The following THOP1 variants were observed in gnomAD, a reference collection of about 807,000 sequenced individuals.
THOP1 encodes the protein thimet oligopeptidase 1, also known as thimet oligopeptidase.
A neutral mutation model predicts 71.8 loss-of-function variants in THOP1; 49 were observed. That is an observed-to-expected ratio of 0.68 (90% CI 0.54 to 0.87). The LOEUF (loss-of-function observed/expected upper bound fraction) is 0.87. THOP1 is among the 40% of genes least tolerant of loss of function. The probability of loss-of-function intolerance (pLI) is 0.00; values close to 1 mark genes in which losing one functional copy is unlikely to be tolerated. For missense variants in THOP1, 843 were observed against 975.6 expected, an observed-to-expected ratio of 0.86 and a Z score of 1.81; for synonymous variants, 426 against 421.5, an observed-to-expected ratio of 1.01 and a Z score of -0.13.
chr19:2,810,809 C>G (rs753879298), intron 11 of THOP1, 41 bp downstream of exon 11: 21 of 1,581,026 alleles, frequency 1.3e-5, no homozygotes, highest in South Asian at 3.4e-5. Context: ...AATTTGGAGC[C>G]TCAGCTGCTT....
At position 2,804,905 on chromosome 19, in the gene THOP1, C is replaced by A. The variant is rs1599528566; in HGVS notation, c.590-111C>A. 7 of 1,116,668 alleles carry A rather than the reference C, an allele frequency of 6.3e-6. No homozygotes were observed. Among genetic ancestry groups the A allele is most frequent in the Admixed American group, 2.9e-5 (1 of 34,362 alleles). 69.2% of individuals were successfully genotyped at this position (1,116,668 alleles called of 1,614,324 possible). The stretch of plus-strand genomic sequence containing the variant: ...CCAGGCTGCAGCTGCTCGCTGAGGG[C>A]CCCCTTGTAGCTTTCCAGGCAGAGG... On this transcript the variant is annotated intron_variant, in intron 5 of 12. Transcript: ENST00000307741. The surrounding 1 kb of genome is among the most constrained non-coding windows in gnomAD (Gnocchi z 4.7).
At position 2,807,536 on chromosome 19, in the gene THOP1, C is replaced by G; in HGVS notation, c.981C>G (p.Pro327=). Residue 327 remains proline (P), a synonymous_variant, in exon 8 of 13, where the codon CCC becomes CCG. Transcript: ENST00000307741. ...KRAECERRGL[P]FDGRIRAWDM... ...CGGAGTGCGAGCGCCGGGGCCTGCC[C>G]TTCGACGGCCGCATCCGTGCCTGGG... 6.2e-7 allele frequency: 1 copy of G among 1,612,408 alleles called. No homozygotes were observed. Among genetic ancestry groups the G allele is most frequent in the Non-Finnish European group, 8.5e-7 (1 of 1,179,842 alleles).
chr19:2,793,044 G>T (rs111735150), intron 2 of THOP1, among the ~76,000 whole-genome samples: 4 of 151,984 alleles, frequency 2.6e-5, no homozygotes, highest in Admixed American at 2.6e-4. Flanking sequence ...GCGTGGTGGC[G>T]CATGCCTGTA....
In THOP1 at chr19:2,810,508, G is replaced by T; in HGVS notation, c.1642+18G>T. ...CAACACAGGTGCACCCGCCCCGTCC[G>T]GGGAAGGGTGCTAACCTCGGGGGGC... On this transcript the variant is annotated intron_variant, in intron 10 of 12. Transcript: ENST00000307741. 6.5e-7 allele frequency: 1 copy of T among 1,543,694 alleles called. No homozygotes were observed.
chr19:2,808,531 T>G, intron 9 of THOP1, 87 bp downstream of exon 9: 3 of 1,399,666 alleles, frequency 2.1e-6, no homozygotes, highest in South Asian at 2.9e-5. Flanking sequence ...GGGCTTCGGC[T>G]TCCGGCTCTC....
rs781440323 is a variant in THOP1, at chr19:2,810,527, G to A, written c.1642+37G>A. On this transcript the variant is annotated intron_variant, in intron 10 of 12. Transcript: ENST00000307741. ...CCGTCCGGGGAAGGGTGCTAACCTCGGGGGGCGGCACACAGCTGGGGCCTG... is the reference window on the plus strand; with the variant it reads ...CCGTCCGGGGAAGGGTGCTAACCTCAGGGGGCGGCACACAGCTGGGGCCTG... 1.7e-4 allele frequency: 263 copies of A among 1,532,424 alleles called. 1 individual carries two copies. Among genetic ancestry groups the A allele is most frequent in the Middle Eastern group, 1.6e-3 (7 of 4,324 alleles). 94.9% of individuals were successfully genotyped at this position (1,532,424 alleles called of 1,614,324 possible). A position where few individuals can be genotyped will look rare whatever the true frequency, so the allele number is the denominator to read the frequency against.
intron 4 of THOP1, 117 bp downstream of exon 4, chr19:2,796,305 G>A: frequency 1.2e-6 from 1 of 813,998 alleles, no homozygotes; most frequent in Non-Finnish European, 2.0e-6. Context: ...AGGGCAGGGG[G>A]AGTGCTGGGC....
At chr19:2,787,743 G>T (rs985277026) in intron 1 of THOP1, among the ~76,000 whole-genome samples, 1 of 152,168 alleles carries the variant, frequency 6.6e-6, no homozygotes, top group Non-Finnish European at 1.5e-5. Context: ...GACACTGGAC[G>T]GTGTCTGGGG....
chr19:2,796,044 G>T lies in THOP1; in HGVS notation c.379-37G>T, dbSNP rs1309330537. ...AACTGCTCTTTGGAGCGGCTGCACT[G>T]GCCCACGTCCTACATGCTTTGATGT... On this transcript the variant is annotated intron_variant, in intron 3 of 12. Coordinates refer to ENST00000307741, the MANE Select transcript of THOP1 (RefSeq NM_003249.5). The T allele has an allele frequency of 3.2e-6, 5 of 1,555,048 alleles. No individual in the cohort carries two copies. In the South Asian group the frequency reaches 5.6e-5, roughly 17 times the overall value.
intron 4 of THOP1, among the ~76,000 whole-genome samples, chr19:2,796,813 G>A (rs991255387): frequency 1.3e-5 from 2 of 152,186 alleles, no homozygotes; most frequent in African/African-American, 4.8e-5. Flanking sequence ...CTCTGGCAAG[G>A]CAGGTCCACA....
intron 12 of THOP1, chr19:2,812,036 C>A: frequency 9.3e-7 from 1 of 1,073,608 alleles, no homozygotes; most frequent in Non-Finnish European, 1.3e-6. Context: ...GGAAGCTCCA[C>A]ACTGGCCCCT....
rs925114815 is a variant in THOP1 at position 2,804,119 on chromosome 19, G to C, written c.590-897G>C. 1.3e-5 allele frequency among the ~76,000 whole-genome samples: 2 copies of C among 152,214 alleles called. No individual in the cohort carries two copies. Among genetic ancestry groups the C allele is most frequent in the African/African-American group, 4.8e-5 (2 of 41,452 alleles). On this transcript the variant is annotated intron_variant, in intron 5 of 12. Transcript: ENST00000307741. The surrounding 1 kb of genome is among the most constrained non-coding windows in gnomAD (Gnocchi z 4.7). ...CATTCTTTCCACTCTGACCGCCCTG[G>C]GGTTGAGGTGAACCAGTCTTTGCAT...
In THOP1 at chr19:2,785,640, C is replaced by T; in HGVS notation, c.-23C>T. Reference sequence around the variant, plus strand: ...GTAGCAGGTGGAAGGAGGGAGGGAGCCGCAGGCGCAGACCCACCCGCCATG... The same window carrying T: ...GTAGCAGGTGGAAGGAGGGAGGGAGTCGCAGGCGCAGACCCACCCGCCATG... On this transcript the variant is annotated 5_prime_UTR_variant, in exon 1 of 13. Transcript: ENST00000307741. 6.7e-7 allele frequency: 1 copy of T among 1,501,766 alleles called. No individual in the cohort carries two copies. The highest frequency in any genetic ancestry group is 8.9e-7 in the Non-Finnish European group (1 of 1,125,440). 93.0% of individuals were successfully genotyped at this position (1,501,766 alleles called of 1,614,324 possible).
At chr19:2,799,975 C>T (rs1186004577) in intron 5 of THOP1, among the ~76,000 whole-genome samples, 184 bp downstream of exon 5, 4 of 152,196 alleles carry the variant, frequency 2.6e-5, no homozygotes, top group Non-Finnish European at 4.4e-5. Flanking sequence ...GCTCCAGGGC[C>T]GTTTACAGCC....
chr19:2,808,586 T>C, intron 9 of THOP1, 142 bp downstream of exon 9: 1 of 967,890 alleles, frequency 1.0e-6, no homozygotes, highest in South Asian at 1.7e-5. Context: ...CACCCAAAGA[T>C]GGTGACTCCC....
At chr19:2,803,593 C>T (rs929738693) in intron 5 of THOP1, among the ~76,000 whole-genome samples, 1 of 152,230 alleles carries the variant, frequency 6.6e-6, no homozygotes, top group Admixed American at 6.5e-5. Context: ...GACCGCCAGC[C>T]GTCACTCCTG....
rs139640399 is a variant in THOP1, at chr19:2,813,186, C to G, written c.1980C>G (p.Arg660=). The change falls in exon 13 of 13, where the codon CGC becomes CGG. Residue 660 remains arginine (R), a synonymous_variant. Transcript: ENST00000307741. ...AGGATGCCAGCGCCATGCTGAGGCG[C>G]TTCCTGGGCCGTGACCCCAAGCAGG... ...GSEDASAMLR[R]FLGRDPKQDA... The G allele has an allele frequency of 4.3e-6, 7 of 1,612,374 alleles. No individual in the cohort carries two copies. In the African/African-American group the frequency reaches 9.3e-5, roughly 22 times the overall value.
At chr19:2,809,674 A>ACACAGGTGCTCG in intron 9 of THOP1, 1 of 153,352 alleles carries the variant, frequency 6.5e-6, no homozygotes, top group African/African-American at 2.4e-5. Context: ...ACAGGTGCTC[A>ACACAGGTGCTCG]CACAGGTGCC....
rs778031797 is a variant in THOP1, at chr19:2,813,234, G to C, written c.2028G>C (p.Gly676=). ...AGGACGCCTTCCTCCTGAGCAAGGG[G>C]CTGCAGGTCGGGGGCTGCGAGCCCG... ...PKQDAFLLSK[G]LQVGGCEPEP... Residue 676 remains glycine, a synonymous_variant, in exon 13 of 13, where the codon GGG becomes GGC. Coordinates refer to ENST00000307741, the MANE Select transcript of THOP1 (RefSeq NM_003249.5). 1 of 1,611,812 alleles carries C rather than the reference G, an allele frequency of 6.2e-7. No homozygotes were observed. The highest frequency in any genetic ancestry group is 2.2e-5 in the East Asian group (1 of 44,830).
Sources: gnomAD v4.1 joint callset for allele counts (sites outside exome capture counted in the v4.1 genomes callset) on GRCh38, gnomAD v4.1.1 for gene constraint, Gnocchi (gnomAD v3.1) non-coding constraint, MANE v1.5 for transcripts, NCBI Gene and HGNC (gene_info 2026-07-23, HGNC 2026-07-21) for gene names.